Variants in VKORC1L1 observed in about 807,000 individuals in gnomAD.
VKORC1L1 encodes vitamin K epoxide reductase complex subunit 1-like protein 1.
A neutral mutation model predicts 18.9 loss-of-function variants in VKORC1L1; 2 were observed. The observed-to-expected ratio is 0.11, with a 90% CI of 0.04 to 0.33. VKORC1L1 has a LOEUF of 0.33. VKORC1L1 is among the 10% of genes least tolerant of loss of function. The probability of loss-of-function intolerance (pLI) is 1.00; values close to 1 mark genes in which losing one functional copy is unlikely to be tolerated. For synonymous variants in VKORC1L1, 96 were observed against 100.0 expected (o/e 0.96, Z 0.24); for missense variants, 123 against 224.1 (o/e 0.55, Z 2.88).
At chr7:65,903,364 A>G (rs1430410991) in intron 1 of VKORC1L1, among the ~76,000 whole-genome samples, 2 of 150,614 alleles carry the variant, frequency 1.3e-5, no homozygotes, top group Admixed American at 6.6e-5. Context: ...ACAAGGTTTC[A>G]CCATGTTGGC....
intron 1 of VKORC1L1, among the ~76,000 whole-genome samples, chr7:65,884,815 C>T (rs1228051048): frequency 6.6e-6 from 1 of 152,122 alleles, no homozygotes; most frequent in African/African-American, 2.4e-5. Context: ...CCCCAAGCAT[C>T]AGCAAGATTT....
At position 65,955,687 on chromosome 7, in the gene VKORC1L1, CCCT is replaced by C. The variant is rs370484314; in HGVS notation, c.*1391_*1393del. On this transcript the variant is annotated 3_prime_UTR_variant, in exon 3 of 3. Transcript: ENST00000360768. ...GACCTTGGGCAGAAGAAGTGTCCTT[CCCT>C]CCTTTCTTCACCGTCAGGTAGAAAA... 14 of 152,346 alleles carry C rather than the reference CCCT, an allele frequency of 9.2e-5. No homozygotes were observed. The East Asian group carries it at 2.7e-3, about 29-fold the overall frequency. The allele number at this position is 152,346 out of a possible 1,614,324, so 9.4% of individuals were successfully genotyped here.
chr7:65,911,795 A>C (rs1302947233), intron 1 of VKORC1L1, among the ~76,000 whole-genome samples: 1 of 152,186 alleles, frequency 6.6e-6, no homozygotes, highest in African/African-American at 2.4e-5. Context: ...ATTCATAACA[A>C]ATAATTCATA....
intron 1 of VKORC1L1, among the ~76,000 whole-genome samples, chr7:65,896,228 A>G (rs1789210169): frequency 6.6e-6 from 1 of 151,826 alleles, no homozygotes; most frequent in Admixed American, 6.6e-5. Context: ...TTTGTTTAAC[A>G]TGTCTATGAG....
chr7:65,921,516 G>C (rs1055800390), intron 1 of VKORC1L1, among the ~76,000 whole-genome samples: 1 of 152,042 alleles, frequency 6.6e-6, no homozygotes, highest in Non-Finnish European at 1.5e-5. Flanking sequence ...TTCTCAAGTA[G>C]TTGAGATTAC....
At chr7:65,906,662 C>A (rs1284043712) in intron 1 of VKORC1L1, among the ~76,000 whole-genome samples, 4 of 152,148 alleles carry the variant, frequency 2.6e-5, no homozygotes, top group African/African-American at 9.7e-5. Context: ...GTGAGTTCCT[C>A]TTCTCTAGGA....
chr7:65,902,466 G>A (rs901321630), intron 1 of VKORC1L1, among the ~76,000 whole-genome samples: 1 of 152,110 alleles, frequency 6.6e-6, no homozygotes, highest in Non-Finnish European at 1.5e-5. Flanking sequence ...AAAGAAAAAT[G>A]GAAACATTGA....
At chr7:65,933,098 AAAG>A (rs1490273917) in intron 1 of VKORC1L1, among the ~76,000 whole-genome samples, 1 of 151,056 alleles carries the variant, frequency 6.6e-6, no homozygotes, top group Non-Finnish European at 1.5e-5. Flanking sequence ...AAAAAAAAAA[AAAG>A]TGTGTCGGCT....
intron 1 of VKORC1L1, among the ~76,000 whole-genome samples, chr7:65,890,894 C>T (rs571873193): frequency 1.3e-5 from 2 of 152,240 alleles, no homozygotes; most frequent in African/African-American, 4.8e-5. Flanking sequence ...ATAAATGTAT[C>T]TATAACCACT....
chr7:65,902,512 G>C (rs1363712590), intron 1 of VKORC1L1, among the ~76,000 whole-genome samples: 1 of 152,132 alleles, frequency 6.6e-6, no homozygotes, highest in Non-Finnish European at 1.5e-5. Flanking sequence ...ACAATTGTTA[G>C]AGATAGAAAT....
At chr7:65,909,360 C>G (rs562881691) in intron 1 of VKORC1L1, among the ~76,000 whole-genome samples, 14 of 151,920 alleles carry the variant, frequency 9.2e-5, no homozygotes, top group Non-Finnish European at 1.3e-4. Flanking sequence ...GTAGAGAAAC[C>G]ATTGTTACCG....
At chr7:65,936,852 C>T (rs1382513442) in intron 1 of VKORC1L1, among the ~76,000 whole-genome samples, 4 of 152,184 alleles carry the variant, frequency 2.6e-5, no homozygotes, top group Admixed American at 2.0e-4. Flanking sequence ...ATGTGACTGG[C>T]TTCACCCGAA....
At chr7:65,952,017 C>G (rs1790221227) in intron 2 of VKORC1L1, among the ~76,000 whole-genome samples, 1 of 152,174 alleles carries the variant, frequency 6.6e-6, no homozygotes, top group African/African-American at 2.4e-5. Flanking sequence ...GGTATTTATA[C>G]ACTATTCTAA....
intron 1 of VKORC1L1, among the ~76,000 whole-genome samples, chr7:65,907,363 G>A (rs897777189): frequency 4.6e-5 from 7 of 152,222 alleles, no homozygotes; most frequent in Non-Finnish European, 8.8e-5. Context: ...CTTAGAACCC[G>A]GGAGTCGGAG....
intron 2 of VKORC1L1, among the ~76,000 whole-genome samples, chr7:65,952,608 C>T (rs1438620347): frequency 6.6e-6 from 1 of 151,894 alleles, no homozygotes; most frequent in East Asian, 1.9e-4. Context: ...TATTTTGTTC[C>T]TGTTTCTGTT....
intron 1 of VKORC1L1, among the ~76,000 whole-genome samples, chr7:65,878,179 T>G (rs1460856590): frequency 6.6e-6 from 1 of 152,052 alleles, no homozygotes; most frequent in Non-Finnish European, 1.5e-5. Flanking sequence ...GGCATAGTGG[T>G]TCACGCCTGT....
At chr7:65,869,935 G>A (rs373138819), upstream of VKORC1L1, among the ~76,000 whole-genome samples, 35 of 151,066 alleles carry the variant, frequency 2.3e-4, no homozygotes, top group East Asian at 3.7e-3. Flanking sequence ...GATTACAAGC[G>A]TGAGCCACTG....
At chr7:65,893,252 T>C (rs1208516537) in intron 1 of VKORC1L1, among the ~76,000 whole-genome samples, 1 of 152,318 alleles carries the variant, frequency 6.6e-6, no homozygotes, top group African/African-American at 2.4e-5. Context: ...TTTAAAACTT[T>C]CCTGTTTGGA....
intron 1 of VKORC1L1, among the ~76,000 whole-genome samples, chr7:65,880,015 A>G (rs1156289936): frequency 2.6e-5 from 4 of 151,778 alleles, no homozygotes; most frequent in Admixed American, 6.6e-5. Flanking sequence ...CACCATGCCT[A>G]GCTAATTTTT....
Sources: allele counts gnomAD v4.1 joint callset (sites outside exome capture counted in the v4.1 genomes callset), GRCh38; gene constraint gnomAD v4.1.1; transcripts MANE v1.5; gene names NCBI Gene and HGNC (gene_info 2026-07-23, HGNC 2026-07-21).